Variants in NKAIN2 observed in about 807,000 individuals in gnomAD.
NKAIN2 encodes sodium/potassium-transporting ATPase subunit beta-1-interacting protein 2.
Under a neutral mutation model 32.6 loss-of-function variants are expected in NKAIN2, and 14 were observed. The ratio of observed to expected loss-of-function variants is 0.43; its 90% CI spans 0.28 to 0.67. The LOEUF is 0.67. Among genes scored for constraint, NKAIN2 ranks in the 30% least tolerant of loss-of-function variants. NKAIN2 has a pLI of 0.17. For synonymous variants in NKAIN2, 80 were observed against 87.2 expected, an observed-to-expected ratio of 0.92 and a Z score of 0.46; for missense variants, 198 against 258.3, an observed-to-expected ratio of 0.77 and a Z score of 1.60.
chr6:124,495,025 T>C (rs188843541), intron 3 of NKAIN2, among the ~76,000 whole-genome samples: 1 of 152,290 alleles, frequency 6.6e-6, no homozygotes, highest in East Asian at 1.9e-4. Flanking sequence ...CTATGCTTTA[T>C]GATAATGTTA....
chr6:124,656,748 C>T (rs1784551966), intron 3 of NKAIN2, among the ~76,000 whole-genome samples: 1 of 152,068 alleles, frequency 6.6e-6, no homozygotes, highest in South Asian at 2.1e-4. Context: ...GGAAGAAAAC[C>T]CACGTTAGCT....
At chr6:124,174,602 C>G (rs573511843) in intron 1 of NKAIN2, among the ~76,000 whole-genome samples, 3 of 152,108 alleles carry the variant, frequency 2.0e-5, no homozygotes, top group Non-Finnish European at 4.4e-5. Flanking sequence ...TTTCTAATTC[C>G]TAGCACTCCT....
intron 1 of NKAIN2, among the ~76,000 whole-genome samples, chr6:124,139,865 T>C (rs2114323861): frequency 6.6e-6 from 1 of 152,350 alleles, no homozygotes; most frequent in East Asian, 1.9e-4. Flanking sequence ...AAATACAAGT[T>C]GGTTTCCCAA....
chr6:124,530,347 GT>G (rs1403869479), intron 3 of NKAIN2, among the ~76,000 whole-genome samples: 1 of 152,150 alleles, frequency 6.6e-6, no homozygotes, highest in Non-Finnish European at 1.5e-5. Context: ...CTAAGTGGAA[GT>G]GAATCACCAT....
intron 1 of NKAIN2, among the ~76,000 whole-genome samples, chr6:123,813,682 C>T (rs1421740808): frequency 1.3e-5 from 2 of 151,914 alleles, no homozygotes; most frequent in African/African-American, 4.8e-5. Flanking sequence ...CATGGTGTTG[C>T]GTGCCTGTAG....
chr6:124,180,257 C>T (rs1317004788), intron 1 of NKAIN2, among the ~76,000 whole-genome samples: 1 of 152,118 alleles, frequency 6.6e-6, no homozygotes, highest in African/African-American at 2.4e-5. Context: ...GTTTAATTGA[C>T]TTACAATCCC....
intron 1 of NKAIN2, among the ~76,000 whole-genome samples, chr6:123,993,757 T>G (rs1423558786): frequency 6.6e-6 from 1 of 152,218 alleles, no homozygotes; most frequent in African/African-American, 2.4e-5. Context: ...ATCTTTTATG[T>G]CCATGTGCCT....
At chr6:124,287,385 T>C (rs1283269813) in intron 2 of NKAIN2, among the ~76,000 whole-genome samples, 1 of 152,194 alleles carries the variant, frequency 6.6e-6, no homozygotes, top group African/African-American at 2.4e-5. Context: ...ATTGAGCTTG[T>C]AGCAACAAAT....
chr6:124,334,725 T>A (rs1467245392), intron 2 of NKAIN2, among the ~76,000 whole-genome samples: 1 of 88,006 alleles, frequency 1.1e-5, no homozygotes, highest in African/African-American at 4.9e-5. Context: ...TCTAGCTGCA[T>A]GACTCCTCGC....
At chr6:123,911,789 A>ATGTATATATATG (rs1231993341) in intron 1 of NKAIN2, among the ~76,000 whole-genome samples, 6 of 112,164 alleles carry the variant, frequency 5.3e-5, no homozygotes, top group African/African-American at 2.1e-4. Flanking sequence ...ATACATATAT[A>ATGTATATATATG]TATATATATA....
intron 1 of NKAIN2, among the ~76,000 whole-genome samples, chr6:124,194,093 TCCATGGGTGG>T (rs1373422707): frequency 1.3e-5 from 2 of 151,908 alleles, no homozygotes; most frequent in Non-Finnish European, 2.9e-5. Flanking sequence ...CTCCGATTGT[TCCATGGGTGG>T]CCATGGGTGG....
rs1278912353 is a variant in NKAIN2 at position 124,516,551 on chromosome 6, CATGTGATTATTGTT to C, written c.274-141630_274-141617del. Among the ~76,000 whole-genome samples, 5 of 152,110 alleles carry C rather than the reference CATGTGATTATTGTT, an allele frequency of 3.3e-5. No individual in the cohort carries two copies. In the East Asian group the frequency reaches 5.8e-4, roughly 18 times the overall value. ...ATGAAGATTGTAAAATCACAAAGTT[CATGTGATTATTGTT>C]ATGTTATTAGGGAATTATCTCTCTG... On this transcript the variant is annotated intron_variant, in intron 3 of 6. Transcript: ENST00000368417.
chr6:123,828,183 A>T (rs529053453), intron 1 of NKAIN2, among the ~76,000 whole-genome samples: 2 of 151,870 alleles, frequency 1.3e-5, no homozygotes, highest in Admixed American at 1.3e-4. Context: ...GCTTATCATG[A>T]TTTTTCTCTC....
intron 1 of NKAIN2, among the ~76,000 whole-genome samples, chr6:123,934,777 T>C (rs1776423290): frequency 6.6e-6 from 1 of 152,096 alleles, no homozygotes; most frequent in Admixed American, 6.6e-5. Flanking sequence ...ACAGTGCTTT[T>C]AAAATTATTT....
At chr6:124,433,886 TG>T (rs1775325668) in intron 3 of NKAIN2, among the ~76,000 whole-genome samples, 1 of 152,198 alleles carries the variant, frequency 6.6e-6, no homozygotes, top group African/African-American at 2.4e-5. Context: ...TGGGATTGTT[TG>T]TTTTTGCTGC....
intron 4 of NKAIN2, among the ~76,000 whole-genome samples, chr6:124,667,648 T>C (rs1313826893): frequency 1.3e-5 from 2 of 152,136 alleles, no homozygotes; most frequent in Non-Finnish European, 2.9e-5. Context: ...GATGGCAATT[T>C]TCTCTTCATG....
chr6:124,417,400 A>G (rs943585526), intron 3 of NKAIN2, among the ~76,000 whole-genome samples: 2 of 152,334 alleles, frequency 1.3e-5, no homozygotes, highest in Non-Finnish European at 1.5e-5. Flanking sequence ...AGATAAAACA[A>G]TAGAAATTAA....
At chr6:124,586,524 C>T (rs1461177131) in intron 3 of NKAIN2, among the ~76,000 whole-genome samples, 1 of 151,674 alleles carries the variant, frequency 6.6e-6, no homozygotes, top group East Asian at 1.9e-4. Context: ...AAATAATCCG[C>T]ACACCAAACC....
intron 3 of NKAIN2, among the ~76,000 whole-genome samples, chr6:124,487,110 T>G (rs1777683974): frequency 6.6e-6 from 1 of 152,096 alleles, no homozygotes; most frequent in Non-Finnish European, 1.5e-5. Context: ...CTGGAAAAAC[T>G]TAATGTCCAT....
Sources: gnomAD v4.1 joint callset for allele counts (sites outside exome capture counted in the v4.1 genomes callset) on GRCh38, gnomAD v4.1.1 for gene constraint, MANE v1.5 for transcripts, NCBI Gene and HGNC (gene_info 2026-07-23, HGNC 2026-07-21) for gene names.